Variants in EHHADH observed in about 807,000 individuals in gnomAD.
EHHADH encodes enoyl-CoA hydratase and 3-hydroxyacyl CoA dehydrogenase.
Under a neutral mutation model 64.4 loss-of-function variants are expected in EHHADH, and 48 were observed. The observed-to-expected ratio is 0.75, with a 90% CI of 0.59 to 0.95. EHHADH has a LOEUF of 0.95. Ranked by LOEUF, EHHADH falls within the 40% of genes least tolerant of loss-of-function variation. The pLI is 0.00. For synonymous variants in EHHADH, 308 were observed against 326.7 expected, an observed-to-expected ratio of 0.94 and a Z score of 0.62; for missense variants, 854 against 876.6, an observed-to-expected ratio of 0.97 and a Z score of 0.33.
chr3:185,250,086 C>A (rs1719704983), intron 1 of EHHADH, among the ~76,000 whole-genome samples: 1 of 152,202 alleles, frequency 6.6e-6, no homozygotes, highest in Admixed American at 6.5e-5. Context: ...GCAGCTGTAT[C>A]ATTCCAGGGC....
chr3:185,246,422 A>G (rs1176349984), intron 2 of EHHADH: 2 of 541,830 alleles, frequency 3.7e-6, no homozygotes, highest in Non-Finnish European at 5.9e-6. Flanking sequence ...AGGATCAAAA[A>G]TCATCTCATC....
rs1320660579 is a variant in EHHADH at position 185,192,298 on chromosome 3, T to TA, written c.2099_2100insT (p.Lys700AsnfsTer21). On this transcript the variant is annotated frameshift_variant, in exon 7 of 7. Transcript: ENST00000231887. LOFTEE classifies it high-confidence loss of function. ...GGGGAGGGTTTCCCTGAGAAGCCAGTTTTTTTAGATAGTCACTTGGCTCCA... is the reference window on the plus strand; with the variant it reads ...GGGGAGGGTTTCCCTGAGAAGCCAGTATTTTTTAGATAGTCACTTGGCTCCA... The TA allele has an allele frequency of 1.2e-6, 2 of 1,614,022 alleles. No individual in the cohort carries two copies. Among genetic ancestry groups the TA allele is most frequent in the African/African-American group, 2.7e-5 (2 of 74,932 alleles).
intron 4 of EHHADH, among the ~76,000 whole-genome samples, chr3:185,228,986 A>T (rs1719079125): frequency 1.3e-5 from 2 of 151,918 alleles, no homozygotes; most frequent in African/African-American, 4.8e-5. Context: ...TTGTATTTTA[A>T]TAGAGATGGG....
At chr3:185,242,784 G>C (rs1051393448) in intron 2 of EHHADH, among the ~76,000 whole-genome samples, 1 of 152,148 alleles carries the variant, frequency 6.6e-6, no homozygotes, top group Non-Finnish European at 1.5e-5. Flanking sequence ...CTTGCCCCAG[G>C]CTACCCACCT....
chr3:185,193,930 C>A (rs1717987557), intron 6 of EHHADH, among the ~76,000 whole-genome samples: 4 of 152,032 alleles, frequency 2.6e-5, no homozygotes, highest in Admixed American at 2.6e-4. Flanking sequence ...TTAAGTAAGA[C>A]CAAATAAATG....
chr3:185,217,397 T>G (rs1316158236), intron 5 of EHHADH, among the ~76,000 whole-genome samples: 6 of 151,640 alleles, frequency 4.0e-5, no homozygotes, highest in Non-Finnish European at 8.8e-5. Flanking sequence ...ATACAATAAT[T>G]AGCGGGGCAT....
chr3:185,245,332 C>T lies in EHHADH; in HGVS notation c.178+3082G>A, dbSNP rs770264417. On this transcript the variant is annotated intron_variant, in intron 2 of 6. Coordinates refer to ENST00000231887, the MANE Select transcript of EHHADH (RefSeq NM_001966.4). ...GCATCTTGCAAGGATTTCACACCAA[C>T]CAGCCACTAGCCAAAGAACTTGGCA... 44 of 372,580 alleles carry T rather than the reference C, an allele frequency of 1.2e-4. 1 individual carries two copies. Among genetic ancestry groups the T allele is most frequent in the Middle Eastern group, 7.0e-4 (1 of 1,424 alleles). The allele number at this position is 372,580 out of a possible 1,614,324, so 23.1% of individuals were successfully genotyped here.
chr3:185,247,282 T>G (rs1210591213), intron 2 of EHHADH, among the ~76,000 whole-genome samples: 1 of 152,186 alleles, frequency 6.6e-6, no homozygotes, highest in African/African-American at 2.4e-5. Flanking sequence ...CTCCAAACTC[T>G]AATTACATTC....
At chr3:185,211,288 T>C (rs1201156226) in intron 5 of EHHADH, among the ~76,000 whole-genome samples, 5 of 152,156 alleles carry the variant, frequency 3.3e-5, no homozygotes, top group African/African-American at 4.8e-5. Flanking sequence ...CCCAGGGAAA[T>C]GGGGAGGAAA....
At chr3:185,246,942 G>A (rs185594716) in intron 2 of EHHADH, among the ~76,000 whole-genome samples, 30 of 151,726 alleles carry the variant, frequency 2.0e-4, no homozygotes, top group Non-Finnish European at 4.4e-4. Flanking sequence ...TGTTTTCATT[G>A]CCATTCAGTT....
rs1199809745 is a variant in EHHADH, at chr3:185,216,668, C to A, written c.568+1468G>T. On this transcript the variant is annotated intron_variant, in intron 5 of 6. Coordinates refer to ENST00000231887, the MANE Select transcript of EHHADH (RefSeq NM_001966.4). This position sits in a 1 kb window ranked among gnomAD's most constrained non-coding sequence, Gnocchi z 5.3. ...ACATTGAAACAGTAACTGGCTAGAG[C>A]CACAAAAAAGAAAGATTATTTCAGG... Among the ~76,000 whole-genome samples the A allele has an allele frequency of 6.6e-6, 1 of 152,088 alleles. No individual in the cohort carries two copies. Among genetic ancestry groups the A allele is most frequent in the Non-Finnish European group, 1.5e-5 (1 of 68,006 alleles).
chr3:185,253,912 G>A (rs1719823043), intron 1 of EHHADH, 37 bp downstream of exon 1: 4 of 1,611,298 alleles, frequency 2.5e-6, no homozygotes, highest in East Asian at 2.2e-5. Flanking sequence ...GCTAAGGCCC[G>A]CACGGTCCCC....
At chr3:185,234,983 A>C (rs1402299891) in intron 3 of EHHADH, among the ~76,000 whole-genome samples, 1 of 152,028 alleles carries the variant, frequency 6.6e-6, no homozygotes, top group South Asian at 2.1e-4. Context: ...GGAGTTTGAG[A>C]CCAGCCTGGC....
chr3:185,205,910 C>T (rs1718376120), intron 5 of EHHADH, among the ~76,000 whole-genome samples: 1 of 151,916 alleles, frequency 6.6e-6, no homozygotes. Flanking sequence ...TGTGCAAGCA[C>T]CAAGAAGGGA....
At chr3:185,214,941 T>G (rs1002698596) in intron 5 of EHHADH, among the ~76,000 whole-genome samples, 5 of 152,200 alleles carry the variant, frequency 3.3e-5, no homozygotes, top group Non-Finnish European at 7.3e-5. Context: ...ATAGAAAAAC[T>G]AAGTGAAAAG....
chr3:185,222,861 T>C (rs1173204530), intron 4 of EHHADH, among the ~76,000 whole-genome samples: 1 of 152,256 alleles, frequency 6.6e-6, no homozygotes, highest in African/African-American at 2.4e-5. Flanking sequence ...CAGCATTTAC[T>C]TGTGGCTGGT....
intron 4 of EHHADH, among the ~76,000 whole-genome samples, chr3:185,219,158 G>A (rs1288547588): frequency 1.3e-5 from 2 of 152,210 alleles, no homozygotes; most frequent in African/African-American, 4.8e-5. Context: ...GGACAAATGG[G>A]ATGGATTTCT....
At chr3:185,227,421 A>G (rs1346812457) in intron 4 of EHHADH, among the ~76,000 whole-genome samples, 1 of 152,004 alleles carries the variant, frequency 6.6e-6, no homozygotes, top group East Asian at 1.9e-4. Context: ...AATCCCAGCT[A>G]CTTGGGAGGC....
intron 1 of EHHADH, 62 bp downstream of exon 1, chr3:185,253,887 C>A: frequency 6.3e-7 from 1 of 1,596,418 alleles, no homozygotes; most frequent in Non-Finnish European, 8.6e-7. Flanking sequence ...TCAAAGCCTC[C>A]GGAGCCAGAG....
Sources: gnomAD v4.1 joint callset for allele counts (sites outside exome capture counted in the v4.1 genomes callset) on GRCh38, gnomAD v4.1.1 for gene constraint, Gnocchi (gnomAD v3.1) non-coding constraint, MANE v1.5 for transcripts, NCBI Gene and HGNC (gene_info 2026-07-23, HGNC 2026-07-21) for gene names.